Variants in MATCAP2 observed in about 807,000 individuals in gnomAD.
The protein encoded by MATCAP2 is microtubule associated tyrosine carboxypeptidase 2, also known as putative tyrosine carboxypeptidase MATCAP2.
At chr7:36,375,289 A>C in the MATCAP2 span, among the ~76,000 whole-genome samples, 7 of 152,170 alleles carry the variant, frequency 4.6e-5, no homozygotes, top group Non-Finnish European at 8.8e-5. Context: ...TCTGATGACC[A>C]GTGATGATGA....
chr7:36,379,950 C>T, the MATCAP2 span, among the ~76,000 whole-genome samples: 2 of 151,208 alleles, frequency 1.3e-5, no homozygotes, highest in Non-Finnish European at 2.9e-5. Context: ...AATCTTTGTT[C>T]CACTTTTGCT....
chr7:36,333,846 G>A, the MATCAP2 span: 1 of 1,584,048 alleles, frequency 6.3e-7, no homozygotes, highest in Non-Finnish European at 8.6e-7. Context: ...TAGAGTTAAG[G>A]GACACCCACC....
chr7:36,352,253 C>G, the MATCAP2 span, among the ~76,000 whole-genome samples: 6 of 151,248 alleles, frequency 4.0e-5, no homozygotes, highest in Admixed American at 6.6e-5. Context: ...AAAAAATAGC[C>G]GGGCATGGCA....
the MATCAP2 span, chr7:36,325,401 G>C: frequency 6.6e-6 from 1 of 152,172 alleles, no homozygotes; most frequent in Non-Finnish European, 1.5e-5. Context: ...AGTCCTTCTA[G>C]ATATGTGAAA....
the MATCAP2 span, among the ~76,000 whole-genome samples, chr7:36,376,360 T>C: frequency 2.6e-5 from 4 of 152,240 alleles, no homozygotes; most frequent in African/African-American, 9.6e-5. Context: ...CCAGTAGTCA[T>C]TCAGGAGCAG....
At chr7:36,366,923 G>A in the MATCAP2 span, 4 of 1,438,278 alleles carry the variant, frequency 2.8e-6, no homozygotes, top group South Asian at 5.9e-5. Context: ...CACCCGTCAC[G>A]CGAATGGACT....
the MATCAP2 span, among the ~76,000 whole-genome samples, chr7:36,360,046 C>T: frequency 6.6e-6 from 1 of 152,048 alleles, no homozygotes; most frequent in Non-Finnish European, 1.5e-5. Context: ...AGTTGATCTT[C>T]GTAATAAAAA....
chr7:36,379,541 G>T, the MATCAP2 span, among the ~76,000 whole-genome samples: 4 of 151,934 alleles, frequency 2.6e-5, no homozygotes, highest in Non-Finnish European at 5.9e-5. Context: ...TTTAAGAGTA[G>T]CTTGTAGACA....
At chr7:36,328,036 A>G in the MATCAP2 span, among the ~76,000 whole-genome samples, 1 of 152,112 alleles carries the variant, frequency 6.6e-6, no homozygotes, top group South Asian at 2.1e-4. Context: ...AGGTTTAAGG[A>G]TGAAGCTTTT....
the MATCAP2 span, among the ~76,000 whole-genome samples, chr7:36,384,881 A>C: frequency 6.6e-6 from 1 of 152,118 alleles, no homozygotes; most frequent in Non-Finnish European, 1.5e-5. Context: ...AAAAAAAGGA[A>C]AGTATTGTGA....
At chr7:36,334,484 T>C in the MATCAP2 span, among the ~76,000 whole-genome samples, 200 of 128,334 alleles carry the variant, frequency 1.6e-3, no homozygotes, top group East Asian at 9.7e-3. Flanking sequence ...TGCAGTGAGC[T>C]GAGATCCTGC....
At chr7:36,365,685 C>G in the MATCAP2 span, among the ~76,000 whole-genome samples, 1 of 152,148 alleles carries the variant, frequency 6.6e-6, no homozygotes, top group Non-Finnish European at 1.5e-5. Flanking sequence ...GGCGACAGAG[C>G]GAGACTCCGT....
chr7:36,335,319 G>A, the MATCAP2 span: 12 of 807,798 alleles, frequency 1.5e-5, no homozygotes, highest in African/African-American at 1.0e-4. Context: ...AACCAAGAAG[G>A]AATGTGCAGC....
chr7:36,386,572 T>C, the MATCAP2 span, among the ~76,000 whole-genome samples: 1 of 152,018 alleles, frequency 6.6e-6, no homozygotes, highest in Non-Finnish European at 1.5e-5. Flanking sequence ...ACCAACCAAG[T>C]TTATTTTCCC....
the MATCAP2 span, chr7:36,390,199 C>A: frequency 6.2e-6 from 8 of 1,282,642 alleles, no homozygotes; most frequent in Non-Finnish European, 7.6e-6. Context: ...GCGGCTGCGG[C>A]CTGCTGTGGT....
At chr7:36,350,359 CAA>C in the MATCAP2 span, among the ~76,000 whole-genome samples, 2 of 152,058 alleles carry the variant, frequency 1.3e-5, no homozygotes, top group Non-Finnish European at 2.9e-5. Flanking sequence ...ACGCTAAAAT[CAA>C]AAGACTGTTT....
At chr7:36,337,594 G>A in the MATCAP2 span, 1 of 152,118 alleles carries the variant, frequency 6.6e-6, no homozygotes, top group East Asian at 1.9e-4. Flanking sequence ...CCATGGCTCT[G>A]TCCTCTTCTG....
At chr7:36,329,985 A>G in the MATCAP2 span, among the ~76,000 whole-genome samples, 2 of 152,158 alleles carry the variant, frequency 1.3e-5, no homozygotes, top group Admixed American at 6.5e-5. Context: ...GAATCTCATC[A>G]GAAGGAAACA....
the MATCAP2 span, among the ~76,000 whole-genome samples, chr7:36,372,509 A>G: frequency 1.3e-5 from 2 of 152,226 alleles, no homozygotes; most frequent in African/African-American, 2.4e-5. Context: ...ATGCTTTGTG[A>G]AACGCCTCTG....
Sources: gnomAD v4.1 joint callset for allele counts (sites outside exome capture counted in the v4.1 genomes callset) on GRCh38, gnomAD v4.1.1 for gene constraint, MANE v1.5 for transcripts, NCBI Gene and HGNC (gene_info 2026-07-23, HGNC 2026-07-21) for gene names.